TTC28: variants seen among roughly 807,000 people sequenced by gnomAD.
The protein encoded by TTC28 is tetratricopeptide repeat protein 28.
A neutral mutation model predicts 198.0 loss-of-function variants in TTC28; 61 were observed. The observed-to-expected ratio is 0.31, with a 90% CI of 0.25 to 0.38. The LOEUF is 0.38. Among genes scored for constraint, TTC28 ranks in the 10% least tolerant of loss-of-function variants. TTC28 has a pLI of 1.00. For missense variants in TTC28, 2,678 were observed against 3,164.0 expected (o/e 0.85, Z 3.69); for synonymous variants, 1,171 against 1,297.8 (o/e 0.90, Z 2.10).
intron 6 of TTC28, among the ~76,000 whole-genome samples, chr22:28,129,067 T>G (rs1942990719): frequency 6.6e-6 from 1 of 152,180 alleles, no homozygotes. Context: ...TCTCTCTCCC[T>G]GAACATGATG....
At chr22:28,185,667 GATT>G (rs1924127496) in intron 5 of TTC28, among the ~76,000 whole-genome samples, 1 of 152,066 alleles carries the variant, frequency 6.6e-6, no homozygotes, top group South Asian at 2.1e-4. Flanking sequence ...TTTACTTACA[GATT>G]ATAAGACTAT....
At chr22:28,669,284 C>A in intron 1 of TTC28, among the ~76,000 whole-genome samples, 1 of 142,854 alleles carries the variant, frequency 7.0e-6, no homozygotes, top group South Asian at 2.3e-4. Flanking sequence ...CACATGTACC[C>A]TAAAACTTAG....
chr22:28,160,738 A>T (rs1429079458), intron 6 of TTC28, among the ~76,000 whole-genome samples: 1 of 152,246 alleles, frequency 6.6e-6, no homozygotes, highest in Non-Finnish European at 1.5e-5. Context: ...ACAAGGGAAG[A>T]TATTAATGTG....
chr22:28,238,012 G>A (rs1257721609), intron 5 of TTC28, among the ~76,000 whole-genome samples: 2 of 151,992 alleles, frequency 1.3e-5, no homozygotes, highest in Non-Finnish European at 2.9e-5. Flanking sequence ...TAGTTTCTCT[G>A]GCTGTTCTTC....
At chr22:28,363,932 T>G (rs1317165272) in intron 2 of TTC28, among the ~76,000 whole-genome samples, 2 of 152,200 alleles carry the variant, frequency 1.3e-5, no homozygotes, top group African/African-American at 4.8e-5. Flanking sequence ...TACAGGCTCG[T>G]CGGTGGAAGG....
chr22:28,349,983 T>C (rs1328868052), intron 2 of TTC28, among the ~76,000 whole-genome samples: 1 of 152,228 alleles, frequency 6.6e-6, no homozygotes, highest in African/African-American at 2.4e-5. Flanking sequence ...AAAACTCATG[T>C]ACAAAACTCG....
chr22:28,403,137 A>C (rs2046943220), intron 2 of TTC28, among the ~76,000 whole-genome samples: 1 of 152,178 alleles, frequency 6.6e-6, no homozygotes, highest in Non-Finnish European at 1.5e-5. Context: ...GAAGTAAACA[A>C]AAGTTTACCT....
chr22:28,456,160 G>GAAA (rs777082418), intron 2 of TTC28, among the ~76,000 whole-genome samples: 3 of 106,414 alleles, frequency 2.8e-5, no homozygotes, highest in Admixed American at 9.8e-5. Flanking sequence ...CTCTGTCTCA[G>GAAA]AAAAAAAAAA....
intron 2 of TTC28, among the ~76,000 whole-genome samples, chr22:28,569,929 G>A (rs1461510658): frequency 1.3e-5 from 2 of 152,116 alleles, no homozygotes; most frequent in Admixed American, 1.3e-4. Context: ...AGACATATAC[G>A]TGACCAACAA....
intron 1 of TTC28, among the ~76,000 whole-genome samples, chr22:28,659,897 G>A (rs979151299): frequency 2.0e-5 from 3 of 150,944 alleles, no homozygotes; most frequent in Non-Finnish European, 4.4e-5. Flanking sequence ...CTCCTGGGCC[G>A]AACTGATCCT....
Position 27,982,567 on chromosome 22 carries a change from G to A in TTC28, c.7100C>T (p.Thr2367Ile). The change falls in exon 23 of 23, where the codon ACA becomes ATA. Residue 2367 changes from threonine (T) to isoleucine (I), a missense_variant. Thr to Ile is a moderately conservative substitution (Grantham distance 89). Transcript: ENST00000397906. The surrounding 1 kb of genome is among the most constrained non-coding windows in gnomAD (Gnocchi z 5.2). ...CATTGGCCCTGTGGAATGCTGGGGT[G>A]TGCTCTGCCAGAACATCTTCAGGTT... ...VHNLKMFWQS[T>I]PQHSTGPMKI... 1 of 1,551,760 alleles carries A rather than the reference G, an allele frequency of 6.4e-7. No individual in the cohort carries two copies. The highest frequency in any genetic ancestry group is 8.7e-7 in the Non-Finnish European group (1 of 1,147,014).
chr22:28,540,077 G>A (rs2049379824), intron 2 of TTC28, among the ~76,000 whole-genome samples: 1 of 151,580 alleles, frequency 6.6e-6, no homozygotes, highest in Non-Finnish European at 1.5e-5. Context: ...CCGAGTAGCT[G>A]GGACTAAAGG....
At chr22:28,531,425 T>A (rs2049137109) in intron 2 of TTC28, among the ~76,000 whole-genome samples, 1 of 152,158 alleles carries the variant, frequency 6.6e-6, no homozygotes, top group South Asian at 2.1e-4. Flanking sequence ...CTTAGAGACC[T>A]ACAAAGAGAC....
chr22:28,196,944 T>C (rs1925411628), intron 5 of TTC28, among the ~76,000 whole-genome samples: 1 of 152,140 alleles, frequency 6.6e-6, no homozygotes, highest in African/African-American at 2.4e-5. Flanking sequence ...GGATTATAAA[T>C]CATGCTGCTA....
At chr22:28,113,108 G>T (rs1424718854) in intron 6 of TTC28, among the ~76,000 whole-genome samples, 1 of 152,176 alleles carries the variant, frequency 6.6e-6, no homozygotes, top group African/African-American at 2.4e-5. Flanking sequence ...TACCAGCAAA[G>T]ACCAAGGGAG....
At chr22:28,459,138 AAGC>A (rs2047910043) in intron 2 of TTC28, among the ~76,000 whole-genome samples, 1 of 151,602 alleles carries the variant, frequency 6.6e-6, no homozygotes, top group Non-Finnish European at 1.5e-5. Flanking sequence ...TTCTAAAAGA[AAGC>A]CTGGGCCAGG....
At chr22:28,533,157 C>A (rs953545841) in intron 2 of TTC28, among the ~76,000 whole-genome samples, 4 of 152,072 alleles carry the variant, frequency 2.6e-5, no homozygotes, top group African/African-American at 9.7e-5. Context: ...TCTAGAAAAC[C>A]CCATCATCTC....
intron 2 of TTC28, among the ~76,000 whole-genome samples, chr22:28,398,256 A>G: frequency 6.6e-6 from 1 of 152,288 alleles, no homozygotes; most frequent in South Asian, 2.1e-4. Flanking sequence ...AGAGGGGGCC[A>G]GGGCCTGTGC....
At chr22:27,999,715 C>G (rs1219959569) in intron 15 of TTC28, 1 of 162,090 alleles carries the variant, frequency 6.2e-6, no homozygotes, top group Non-Finnish European at 1.3e-5. Context: ...GGAGACAGGG[C>G]TAAACTTAAG....
Sources: allele counts gnomAD v4.1 joint callset (sites outside exome capture counted in the v4.1 genomes callset), GRCh38; gene constraint gnomAD v4.1.1; non-coding constraint Gnocchi (gnomAD v3.1); transcripts MANE v1.5; gene names NCBI Gene and HGNC (gene_info 2026-07-23, HGNC 2026-07-21).